Variants in HAO1 observed in about 807,000 individuals in gnomAD.
HAO1 encodes the protein 2-Hydroxyacid oxidase 1.
Under a neutral mutation model 39.7 loss-of-function variants are expected in HAO1, and 34 were observed. The observed-to-expected ratio is 0.86, with a 90% CI of 0.65 to 1.14. The LOEUF is 1.14. Ranked by LOEUF, HAO1 falls within the 50% of genes most tolerant of loss-of-function variation. The probability of loss-of-function intolerance (pLI) is 0.00; values close to 1 mark genes in which losing one functional copy is unlikely to be tolerated. For missense variants in HAO1, 479 were observed against 464.5 expected (o/e 1.03, Z -0.29); for synonymous variants, 172 against 173.2 (o/e 0.99, Z 0.05).
intron 3 of HAO1, among the ~76,000 whole-genome samples, chr20:7,912,163 A>G (rs2050283112): frequency 6.6e-6 from 1 of 152,192 alleles, no homozygotes; most frequent in Non-Finnish European, 1.5e-5. Context: ...TTCTATGCAC[A>G]CCGACAGCTG....
chr20:7,938,708 A>G (rs912003620), intron 1 of HAO1, among the ~76,000 whole-genome samples: 3 of 152,204 alleles, frequency 2.0e-5, no homozygotes, highest in African/African-American at 2.4e-5. Flanking sequence ...ATTTTGCATC[A>G]ATTCAACCCA....
chr20:7,934,689 C>A, intron 1 of HAO1, 54 bp from the exon 2 acceptor site: 3 of 1,126,162 alleles, frequency 2.7e-6, no homozygotes, highest in East Asian at 3.0e-5. Flanking sequence ...AGAATCATAA[C>A]CAAAACTTTG....
intron 5 of HAO1, among the ~76,000 whole-genome samples, chr20:7,891,029 G>A (rs896668127): frequency 1.3e-5 from 2 of 152,228 alleles, no homozygotes; most frequent in African/African-American, 2.4e-5. Context: ...TATCTTTTTC[G>A]AATAATGACT....
intron 2 of HAO1, among the ~76,000 whole-genome samples, chr20:7,924,961 G>T (rs2122789251): frequency 6.6e-6 from 1 of 152,240 alleles, no homozygotes; most frequent in South Asian, 2.1e-4. Flanking sequence ...GCAGTTGTGT[G>T]GTTCTAAACT....
chr20:7,927,580 C>T (rs1043534309), intron 2 of HAO1, among the ~76,000 whole-genome samples: 3 of 151,972 alleles, frequency 2.0e-5, no homozygotes, highest in African/African-American at 7.2e-5. Flanking sequence ...TTATTTTTTT[C>T]CACTTTAAAA....
intron 2 of HAO1, among the ~76,000 whole-genome samples, chr20:7,918,634 G>A (rs1035005877): frequency 2.0e-5 from 3 of 152,182 alleles, no homozygotes; most frequent in Non-Finnish European, 1.5e-5. Flanking sequence ...CATCCACCCT[G>A]TTAGAGCGCT....
intron 4 of HAO1, among the ~76,000 whole-genome samples, chr20:7,902,321 G>A (rs1048469236): frequency 6.6e-6 from 1 of 152,132 alleles, no homozygotes; most frequent in Non-Finnish European, 1.5e-5. Flanking sequence ...AGTTACCACA[G>A]CCACCTTAAA....
chr20:7,903,850 T>TGTGGTAGCGGTGGTG (rs2050234468), intron 4 of HAO1, among the ~76,000 whole-genome samples: 2 of 36,868 alleles, frequency 5.4e-5, no homozygotes, highest in Non-Finnish European at 9.3e-5. Context: ...TAATGGAGAT[T>TGTGGTAGCGGTGGTG]GTGGTAGCGG....
chr20:7,900,399 G>C (rs1023723123), intron 4 of HAO1, among the ~76,000 whole-genome samples: 2 of 152,106 alleles, frequency 1.3e-5, no homozygotes, highest in Non-Finnish European at 2.9e-5. Context: ...AAGTGGCATT[G>C]TGGCAACCCC....
chr20:7,934,762 C>T (rs972341987), intron 1 of HAO1, 127 bp from the exon 2 acceptor site: 5 of 574,650 alleles, frequency 8.7e-6, no homozygotes, highest in African/African-American at 5.8e-5. Flanking sequence ...CAAATGACTT[C>T]ATAAAGCTAA....
At position 7,923,939 on chromosome 20, in the gene HAO1, A is replaced by C. The variant is rs7263368; in HGVS notation, c.290-9520T>G. On this transcript the variant is annotated intron_variant, in intron 2 of 7. Transcript: ENST00000378789. ...TTGGGGCTCATTGAAAACGGGAGGG[A>C]AATATGGAGCAATGGCAGTGAAGTT... is the stretch of plus-strand genomic sequence containing the variant. Among the ~76,000 whole-genome samples the C allele has an allele frequency of 3.8e-3, 573 of 152,146 alleles. 4 individuals carry two copies. The highest frequency in any genetic ancestry group is 0.014 in the Middle Eastern group (4 of 294).
intron 2 of HAO1, among the ~76,000 whole-genome samples, chr20:7,932,881 A>G (rs904912778): frequency 6.6e-6 from 1 of 152,142 alleles, no homozygotes; most frequent in Admixed American, 6.5e-5. Context: ...CATCACATGG[A>G]ATTTACATTT....
rs1600111076 is a variant in HAO1, at chr20:7,906,055, A to G, written c.721+99T>C. The stretch of plus-strand genomic sequence containing the variant: ...AGTTGGAATGTCTCTCTCAATTTCC[A>G]TGTTAATTTTTCCTTGTTATTTTCC... On this transcript the variant is annotated intron_variant, in intron 4 of 7. Coordinates refer to ENST00000378789, the MANE Select transcript of HAO1 (RefSeq NM_017545.3). The G allele has an allele frequency of 8.4e-6, 7 of 830,876 alleles. No individual in the cohort carries two copies. In the East Asian group the frequency reaches 1.7e-4, roughly 20 times the overall value. The allele number at this position is 830,876 out of a possible 1,614,324, so 51.5% of individuals were successfully genotyped here.
At chr20:7,895,994 C>A (rs546793338) in intron 4 of HAO1, among the ~76,000 whole-genome samples, 1 of 152,052 alleles carries the variant, frequency 6.6e-6, no homozygotes, top group Admixed American at 6.6e-5. Flanking sequence ...ATCGTTTGAA[C>A]CTGGGAGGCA....
intron 2 of HAO1, among the ~76,000 whole-genome samples, chr20:7,915,705 G>A (rs1037273290): frequency 5.3e-5 from 8 of 152,016 alleles, no homozygotes; most frequent in African/African-American, 1.7e-4. Flanking sequence ...GGAGAACTCT[G>A]GGTATTACAA....
At chr20:7,894,294 G>A (rs2050187020) in intron 5 of HAO1, among the ~76,000 whole-genome samples, 1 of 152,090 alleles carries the variant, frequency 6.6e-6, no homozygotes, top group Admixed American at 6.6e-5. Flanking sequence ...GATCTTCAGG[G>A]TCTAATTGCT....
At chr20:7,921,057 T>TA (rs1402926817) in intron 2 of HAO1, among the ~76,000 whole-genome samples, 4 of 131,030 alleles carry the variant, frequency 3.1e-5, no homozygotes, top group Admixed American at 2.9e-4. Flanking sequence ...AGTGCTAATA[T>TA]CCAAAAAAAA....
At chr20:7,914,452 T>G (rs1374330787) in intron 2 of HAO1, 33 bp from the exon 3 acceptor site, 1 of 1,605,744 alleles carries the variant, frequency 6.2e-7, no homozygotes, top group Non-Finnish European at 8.5e-7. Context: ...AAGATGGGCC[T>G]GGCATTGCTT....
chr20:7,886,400 C>T (rs1451290043), intron 5 of HAO1, among the ~76,000 whole-genome samples: 4 of 152,064 alleles, frequency 2.6e-5, no homozygotes, highest in Non-Finnish European at 5.9e-5. Context: ...TCTCGAACTC[C>T]TGACCTCAAG....
Sources: allele counts gnomAD v4.1 joint callset (sites outside exome capture counted in the v4.1 genomes callset), GRCh38; gene constraint gnomAD v4.1.1; transcripts MANE v1.5; gene names NCBI Gene and HGNC (gene_info 2026-07-23, HGNC 2026-07-21).